ACVR2A: variants seen among roughly 807,000 people sequenced by gnomAD.
ACVR2A encodes activin receptor type-2A.
A neutral mutation model predicts 61.4 loss-of-function variants in ACVR2A; 7 were observed. The ratio of observed to expected loss-of-function variants is 0.11; its 90% CI spans 0.06 to 0.21. The LOEUF (loss-of-function observed/expected upper bound fraction) is 0.21, where lower values mean the gene tolerates loss of function less well. Among genes scored for constraint, ACVR2A ranks in the 10% least tolerant of loss-of-function variants. The pLI, the probability that ACVR2A is intolerant of heterozygous loss-of-function variation, is 1.00. For missense variants in ACVR2A, 322 were observed against 621.7 expected (o/e 0.52, Z 5.13); for synonymous variants, 193 against 208.3 (o/e 0.93, Z 0.63).
At chr2:147,912,135 C>G (rs1188285838) in intron 4 of ACVR2A, among the ~76,000 whole-genome samples, 1 of 151,914 alleles carries the variant, frequency 6.6e-6, no homozygotes. Context: ...TCAGAGATGA[C>G]TTTGTAGCTT....
intron 1 of ACVR2A, 39 bp downstream of exon 1, chr2:147,845,246 CGGCCGCGGCGGCCGCTGCTGGG>C (rs766117444): frequency 3.3e-5 from 52 of 1,584,422 alleles, no homozygotes; most frequent in African/African-American, 9.6e-5. Context: ...GCTGCTCCTG[CGGCCGCGGCGGCCGCTGCTGGG>C]GGCCGCGGCT....
At chr2:147,899,721 A>T in intron 3 of ACVR2A, 23 bp from the exon 4 acceptor site, 1 of 1,610,434 alleles carries the variant, frequency 6.2e-7, no homozygotes, top group Non-Finnish European at 8.5e-7. Flanking sequence ...AATCTGAGTT[A>T]TTTTTCCCCC....
At chr2:147,911,363 TAAGGA>T (rs1687106557) in intron 4 of ACVR2A, among the ~76,000 whole-genome samples, 1 of 152,106 alleles carries the variant, frequency 6.6e-6, no homozygotes, top group Admixed American at 6.6e-5. Flanking sequence ...CCTCTGTTTG[TAAGGA>T]AAGTGTTCCC....
At chr2:147,897,422 A>G (rs1211707705) in intron 2 of ACVR2A, among the ~76,000 whole-genome samples, 1 of 152,186 alleles carries the variant, frequency 6.6e-6, no homozygotes, top group Non-Finnish European at 1.5e-5. Flanking sequence ...TACAGTGGTC[A>G]TGTTATTGAC....
At chr2:147,850,411 A>C (rs1685414634) in intron 1 of ACVR2A, among the ~76,000 whole-genome samples, 1 of 152,132 alleles carries the variant, frequency 6.6e-6, no homozygotes, top group South Asian at 2.1e-4. Flanking sequence ...ACTCTCTTAG[A>C]ATCAAATGGC....
intron 1 of ACVR2A, among the ~76,000 whole-genome samples, chr2:147,871,797 G>T (rs1245000559): frequency 6.6e-6 from 1 of 152,048 alleles, no homozygotes; most frequent in African/African-American, 2.4e-5. Flanking sequence ...GTCACCTAGA[G>T]AGCTGCTTAA....
chr2:147,918,645 C>T, intron 7 of ACVR2A, 53 bp downstream of exon 7: 1 of 1,470,430 alleles, frequency 6.8e-7, no homozygotes, highest in Admixed American at 2.3e-5. Context: ...ATTTACTAAA[C>T]TTTTAAGCCC....
chr2:147,887,452 A>G (rs769583003), intron 1 of ACVR2A, among the ~76,000 whole-genome samples: 1 of 152,212 alleles, frequency 6.6e-6, no homozygotes, highest in Non-Finnish European at 1.5e-5. Flanking sequence ...ATTTGCTTGC[A>G]AGAAGCTGAC....
chr2:147,891,159 C>G (rs960436970), intron 1 of ACVR2A, among the ~76,000 whole-genome samples: 1 of 152,104 alleles, frequency 6.6e-6, no homozygotes, highest in African/African-American at 2.4e-5. Flanking sequence ...GGTATAGTGC[C>G]CTAGGCAGCC....
chr2:147,853,509 C>G (rs1311974962), intron 1 of ACVR2A, among the ~76,000 whole-genome samples: 5 of 152,030 alleles, frequency 3.3e-5, no homozygotes, highest in African/African-American at 9.7e-5. Context: ...ACGCTTGAAA[C>G]CTAAACTTTT....
chr2:147,846,832 A>C (rs563821947), intron 1 of ACVR2A, among the ~76,000 whole-genome samples: 1 of 152,250 alleles, frequency 6.6e-6, no homozygotes, highest in Non-Finnish European at 1.5e-5. Flanking sequence ...TCTTGTTCAA[A>C]TCCCTTGTTC....
intron 1 of ACVR2A, among the ~76,000 whole-genome samples, chr2:147,865,431 C>G (rs1207619709): frequency 6.6e-6 from 1 of 152,052 alleles, no homozygotes; most frequent in African/African-American, 2.4e-5. Flanking sequence ...ATTGACTTTT[C>G]TATAAGTTTG....
At chr2:147,845,028 G>A (rs1308580831), upstream of ACVR2A, 4 of 50,350 alleles carry the variant, frequency 7.9e-5, no homozygotes, top group African/African-American at 1.1e-3. Flanking sequence ...TTTTTTTTTT[G>A]GTCTGGGCTT....
chr2:147,854,235 G>T (rs553406346), intron 1 of ACVR2A, among the ~76,000 whole-genome samples: 163 of 152,234 alleles, frequency 1.1e-3, no homozygotes, highest in Non-Finnish European at 2.0e-3. Flanking sequence ...AGATATCGTG[G>T]TTCCTTACAA....
intron 1 of ACVR2A, among the ~76,000 whole-genome samples, chr2:147,872,002 G>A (rs188900939): frequency 6.6e-6 from 1 of 152,142 alleles, no homozygotes; most frequent in Non-Finnish European, 1.5e-5. Flanking sequence ...AAGATTGCTT[G>A]TTCTCTGATG....
intron 1 of ACVR2A, among the ~76,000 whole-genome samples, chr2:147,875,292 C>G (rs1189608113): frequency 1.3e-5 from 2 of 151,808 alleles, no homozygotes; most frequent in Non-Finnish European, 2.9e-5. Context: ...TAAAACCAAC[C>G]CAGAACAAAA....
In ACVR2A at chr2:147,926,023, C is replaced by T. The variant is rs1687491731; in HGVS notation, c.1217-8C>T. ...AAAATGATTTATTTTACTTTTCTTA[C>T]TTTTCAGGACCTGTAGATGAATACA... On this transcript the variant is annotated splice_region_variant and splice_polypyrimidine_tract_variant and intron_variant, in intron 9 of 10. Coordinates refer to ENST00000241416, the MANE Select transcript of ACVR2A (RefSeq NM_001616.5). The T allele has an allele frequency of 1.9e-6, 3 of 1,592,692 alleles. No individual in the cohort carries two copies. Among genetic ancestry groups the T allele is most frequent in the Non-Finnish European group, 2.6e-6 (3 of 1,173,192 alleles).
intron 1 of ACVR2A, among the ~76,000 whole-genome samples, chr2:147,858,904 A>T (rs1685654821): frequency 6.6e-6 from 1 of 152,130 alleles, no homozygotes. Context: ...ATTTTTTTTC[A>T]ACCATTTAAA....
At position 147,845,144 on chromosome 2, in the gene ACVR2A, CT is replaced by C. The variant is rs1685273192; in HGVS notation, c.-8del. On this transcript the variant is annotated 5_prime_UTR_variant, in exon 1 of 11. Transcript: ENST00000241416. Reference sequence around the variant, plus strand: ...GAACTTCCTCCGGATTCCCCGGCGCCTCGGGAAAATGGGAGCTGCTGCAAAG... The same window carrying C: ...GAACTTCCTCCGGATTCCCCGGCGCCCGGGAAAATGGGAGCTGCTGCAAAG... The C allele has an allele frequency of 6.2e-7, 1 of 1,613,158 alleles. No individual in the cohort carries two copies. The highest frequency in any genetic ancestry group is 1.3e-5 in the African/African-American group (1 of 74,790).
Sources: allele counts gnomAD v4.1 joint callset (sites outside exome capture counted in the v4.1 genomes callset), GRCh38; gene constraint gnomAD v4.1.1; transcripts MANE v1.5; gene names NCBI Gene and HGNC (gene_info 2026-07-23, HGNC 2026-07-21).